The following CTTNBP2 variants were observed in gnomAD, a reference collection of about 807,000 sequenced individuals.
CTTNBP2 encodes cortactin-binding protein 2.
A neutral mutation model predicts 156.9 loss-of-function variants in CTTNBP2; 108 were observed. The observed-to-expected ratio is 0.69, with a 90% CI of 0.59 to 0.81. CTTNBP2 has a LOEUF of 0.81. CTTNBP2 is among the 30% of genes least tolerant of loss of function. The pLI is 0.00. For synonymous variants in CTTNBP2, 767 were observed against 751.8 expected, an observed-to-expected ratio of 1.02 and a Z score of -0.33; for missense variants, 1,924 against 2,035.4, an observed-to-expected ratio of 0.95 and a Z score of 1.05.
rs185523637 is a variant in CTTNBP2 at position 117,808,164 on chromosome 7, C to T, written c.414+2601G>A. Reference sequence around the variant, plus strand: ...TTCTGATCAAATTAAAAGGTCTTTCCTTCTTCAGGGCCAGAATTTATACTT... The same window carrying T: ...TTCTGATCAAATTAAAAGGTCTTTCTTTCTTCAGGGCCAGAATTTATACTT... On this transcript the variant is annotated intron_variant, in intron 3 of 22. Transcript: ENST00000160373. Among the ~76,000 whole-genome samples, 4 of 152,186 alleles carry T rather than the reference C, an allele frequency of 2.6e-5. No individual in the cohort carries two copies. The East Asian group carries it at 7.7e-4, about 29-fold the overall frequency.
intron 8 of CTTNBP2, among the ~76,000 whole-genome samples, chr7:117,774,269 G>A (rs1222124531): frequency 2.6e-5 from 4 of 152,116 alleles, no homozygotes; most frequent in Non-Finnish European, 5.9e-5. Flanking sequence ...ACAGATTTGG[G>A]AATTTGATCT....
rs1402109224 is a variant in CTTNBP2, at chr7:117,725,234, C to A, written c.4079G>T (p.Gly1360Val). The change falls in exon 18 of 23, where the codon GGC (glycine) becomes GTC (valine). Residue 1360 changes from glycine to valine, a missense_variant. Physicochemically the swap from Gly to Val is moderately radical, Grantham distance 109. Transcript: ENST00000160373. ...TTCTTGAACTCTGGGTGCGATGACGCCATTCCACAGCTTAGACATCCACCT... is the reference window on the plus strand; with the variant it reads ...TTCTTGAACTCTGGGTGCGATGACGACATTCCACAGCTTAGACATCCACCT... ...TVKWMSKLWN[G>V]VIAPRVQEAI... 6.2e-7 allele frequency: 1 copy of A among 1,614,120 alleles called. No homozygotes were observed. The highest frequency in any genetic ancestry group is 1.1e-5 in the South Asian group (1 of 91,082).
chr7:117,797,630 A>G (rs1799389483), intron 3 of CTTNBP2, among the ~76,000 whole-genome samples: 1 of 152,236 alleles, frequency 6.6e-6, no homozygotes, highest in Non-Finnish European at 1.5e-5. Flanking sequence ...ATGTACAAAC[A>G]GAACTGATAA....
chr7:117,860,595 G>A (rs1258086287), intron 2 of CTTNBP2, among the ~76,000 whole-genome samples: 5 of 151,886 alleles, frequency 3.3e-5, no homozygotes, highest in South Asian at 2.1e-4. Context: ...CGCCCACCTC[G>A]GCCTCCCAAA....
intron 2 of CTTNBP2, among the ~76,000 whole-genome samples, chr7:117,812,272 T>C (rs1228211933): frequency 2.6e-5 from 4 of 152,098 alleles, no homozygotes; most frequent in African/African-American, 9.7e-5. Context: ...CATTTTGGAA[T>C]AGCCACTAGA....
In CTTNBP2 at chr7:117,746,109, A is replaced by C; in HGVS notation, c.3349-10T>G. On this transcript the variant is annotated splice_polypyrimidine_tract_variant and intron_variant, in intron 12 of 22. Coordinates refer to ENST00000160373, the MANE Select transcript of CTTNBP2 (RefSeq NM_033427.3). Reference sequence around the variant, plus strand: ...TATGATATTGCTCAACCTATTAACAAACCAAGTAGAGAGCTAGGGTGAAGA... The same window carrying C: ...TATGATATTGCTCAACCTATTAACACACCAAGTAGAGAGCTAGGGTGAAGA... 2 of 1,602,870 alleles carry C rather than the reference A, an allele frequency of 1.2e-6. No individual in the cohort carries two copies. Among genetic ancestry groups the C allele is most frequent in the Non-Finnish European group, 1.7e-6 (2 of 1,169,828 alleles).
In CTTNBP2 at chr7:117,715,475, T is replaced by TAAAAAAAAAAAAAAAA. The variant is rs398048025; in HGVS notation, c.4746+2527_4746+2542dup. Among the ~76,000 whole-genome samples, 25 of 116,374 alleles carry TAAAAAAAAAAAAAAAA rather than the reference T, an allele frequency of 2.1e-4. 1 individual carries two copies. Among genetic ancestry groups the TAAAAAAAAAAAAAAAA allele is most frequent in the African/African-American group, 9.8e-4 (25 of 25,390 alleles). The allele number at this position is 116,374 out of a possible 152,430, so 76.3% of individuals were successfully genotyped here. A position where few individuals can be genotyped will look rare whatever the true frequency, so the allele number is the denominator to read the frequency against. On this transcript the variant is annotated intron_variant, in intron 22 of 22. Transcript: ENST00000160373. ...CAGACTAGAGTCCAGGCCCTGAAGT[T>TAAAAAAAAAAAAAAAA]AAAAAAAAAAAAAAAAAAGAAGCCT...
At chr7:117,722,003 T>TA (rs1794818305) in intron 19 of CTTNBP2, among the ~76,000 whole-genome samples, 1 of 152,220 alleles carries the variant, frequency 6.6e-6, no homozygotes, top group African/African-American at 2.4e-5. Flanking sequence ...AAAGTAAATA[T>TA]ATCCTCATTA....
chr7:117,735,226 T>C, intron 15 of CTTNBP2, 43 bp downstream of exon 15: 3 of 1,601,208 alleles, frequency 1.9e-6, no homozygotes, highest in Non-Finnish European at 2.6e-6. Flanking sequence ...ATTAGAATAT[T>C]ACAGAAGCTT....
chr7:117,734,952 T>G lies in CTTNBP2; in HGVS notation c.3837A>C (p.Gly1279=). ...QLRWDGEPMQ[G]LLQRFLRRKV... Reference sequence around the variant, plus strand: ...TCCTTCGTAAGAACCTCTGCAGCAGTCCTTGCATGGGCTCGCCATCCCACC... The same window carrying G: ...TCCTTCGTAAGAACCTCTGCAGCAGGCCTTGCATGGGCTCGCCATCCCACC... Residue 1279 remains glycine (G), a synonymous_variant, in exon 16 of 23, where the codon GGA becomes GGC. Coordinates refer to ENST00000160373, the MANE Select transcript of CTTNBP2 (RefSeq NM_033427.3). 1 of 1,612,334 alleles carries G rather than the reference T, an allele frequency of 6.2e-7. No homozygotes were observed. The highest frequency in any genetic ancestry group is 8.5e-7 in the Non-Finnish European group (1 of 1,178,638).
rs929011137 is a variant in CTTNBP2, at chr7:117,842,498, C to T, written c.189+18711G>A. Among the ~76,000 whole-genome samples, 6 of 151,574 alleles carry T rather than the reference C, an allele frequency of 4.0e-5. No individual in the cohort carries two copies. In the East Asian group the frequency reaches 7.7e-4, roughly 20 times the overall value. On this transcript the variant is annotated intron_variant, in intron 2 of 22. Coordinates refer to ENST00000160373, the MANE Select transcript of CTTNBP2 (RefSeq NM_033427.3). ...GATTACAGGCATGAGCCACTGTGACCGGCAAAATAGTCTTGCATTAAAAAA... is the reference window on the plus strand; with the variant it reads ...GATTACAGGCATGAGCCACTGTGACTGGCAAAATAGTCTTGCATTAAAAAA...
At chr7:117,815,552 T>C (rs1014482079) in intron 2 of CTTNBP2, among the ~76,000 whole-genome samples, 1 of 152,146 alleles carries the variant, frequency 6.6e-6, no homozygotes, top group Non-Finnish European at 1.5e-5. Flanking sequence ...CCAGGAACTT[T>C]CGGTGACTTG....
In CTTNBP2 at chr7:117,735,277, A is replaced by G; in HGVS notation, c.3680T>C (p.Phe1227Ser). 1.2e-6 allele frequency: 2 copies of G among 1,611,720 alleles called. No individual in the cohort carries two copies. Among genetic ancestry groups the G allele is most frequent in the Non-Finnish European group, 1.7e-6 (2 of 1,179,544 alleles). Residue 1227 changes from phenylalanine to serine, a missense_variant, in exon 15 of 23, where the codon TTC becomes TCC. Physicochemically the swap from Phe to Ser is radical, Grantham distance 155 (BLOSUM62 -2). Transcript: ENST00000160373. ...ENRSTESPCT[F>S]QKGNGLSECY... is the part of the protein sequence containing the mutation. ...CCCTTTATTAGCGTTACCTTTTTGG[A>G]AAGTGCAGGGGCTTTCAGTGCTGCG...
intron 17 of CTTNBP2, 39 bp downstream of exon 17, chr7:117,728,050 T>C (rs1365921040): frequency 1.3e-6 from 2 of 1,580,086 alleles, no homozygotes; most frequent in Admixed American, 3.5e-5. Context: ...TGGCCACGTC[T>C]CTATCATAAG....
intron 22 of CTTNBP2, among the ~76,000 whole-genome samples, chr7:117,713,220 C>T (rs1794158151): frequency 6.6e-6 from 1 of 152,192 alleles, no homozygotes; most frequent in Non-Finnish European, 1.5e-5. Context: ...GACTGCTGTC[C>T]TAAATGGTAG....
intron 1 of CTTNBP2, among the ~76,000 whole-genome samples, chr7:117,868,325 C>T (rs1474604590): frequency 6.6e-6 from 1 of 152,198 alleles, no homozygotes; most frequent in Non-Finnish European, 1.5e-5. Context: ...CCTTTGGAAC[C>T]ATCTTGTCTT....
chr7:117,742,458 G>A (rs760380691), intron 14 of CTTNBP2, among the ~76,000 whole-genome samples: 1 of 152,114 alleles, frequency 6.6e-6, no homozygotes, highest in Non-Finnish European at 1.5e-5. Flanking sequence ...GAACAGCATC[G>A]ACCTAGTTCA....
chr7:117,792,606 G>A lies in CTTNBP2; in HGVS notation c.590C>T (p.Ala197Val). ...CTTTTTCTTTTCCTCTTCCAGTTTG[G>A]CCATTACGTCTTCGAGCTTCTGGGC... ...EEAQKLEDVM[A>V]KLEEEKKKTN... The change falls in exon 4 of 23, where the codon GCC becomes GTC. Residue 197 changes from alanine to valine, a missense_variant. Transcript: ENST00000160373. This position sits in a 1 kb window ranked among gnomAD's most constrained non-coding sequence, Gnocchi z 4.2. 3 of 1,613,934 alleles carry A rather than the reference G, an allele frequency of 1.9e-6. No individual in the cohort carries two copies. Among genetic ancestry groups the A allele is most frequent in the Non-Finnish European group, 2.5e-6 (3 of 1,179,990 alleles).
intron 8 of CTTNBP2, among the ~76,000 whole-genome samples, chr7:117,773,648 AACACACACACAC>A (rs71528190): frequency 0.047 from 4,509 of 95,102 alleles, 166 homozygotes; most frequent in African/African-American, 0.08. Context: ...GCTTAGAGTT[AACACACACACAC>A]ACACACACAC....
Sources: allele counts gnomAD v4.1 joint callset (sites outside exome capture counted in the v4.1 genomes callset), GRCh38; gene constraint gnomAD v4.1.1; non-coding constraint Gnocchi (gnomAD v3.1); transcripts MANE v1.5; gene names NCBI Gene and HGNC (gene_info 2026-07-23, HGNC 2026-07-21).